The following PXT1 variants were observed in gnomAD, a reference collection of about 807,000 sequenced individuals.
PXT1 encodes the protein peroxisomal testis-specific protein 1.
In PXT1, 11 loss-of-function variants were observed where a neutral mutation model predicts 11.0. The observed-to-expected ratio is 1.00, with a 90% CI of 0.63 to 1.66. The LOEUF (loss-of-function observed/expected upper bound fraction) is 1.66. PXT1 is among the 40% of genes most tolerant of loss of function. The pLI, the probability that PXT1 is intolerant of heterozygous loss-of-function variation, is 0.00. For synonymous variants in PXT1, 43 were observed against 51.4 expected, an observed-to-expected ratio of 0.84 and a Z score of 0.70; for missense variants, 141 against 155.5, an observed-to-expected ratio of 0.91 and a Z score of 0.49.
chr6:36,409,343 A>T (rs561889330), intron 3 of PXT1, among the ~76,000 whole-genome samples: 1 of 152,334 alleles, frequency 6.6e-6, no homozygotes, highest in East Asian at 1.9e-4. Context: ...TAAACAAACC[A>T]GGACAGAAAG....
chr6:36,427,297 G>A (rs945272757), intron 2 of PXT1, among the ~76,000 whole-genome samples: 2 of 150,704 alleles, frequency 1.3e-5, no homozygotes, highest in Non-Finnish European at 2.9e-5. Context: ...CACCATGCCC[G>A]GCCGCATTAT....
At chr6:36,412,037 T>C (rs1774382496) in intron 3 of PXT1, among the ~76,000 whole-genome samples, 2 of 152,004 alleles carry the variant, frequency 1.3e-5, no homozygotes, top group Admixed American at 6.6e-5. Flanking sequence ...TTCTAATGTA[T>C]GTGTTTAGAG....
At chr6:36,402,295 G>T (rs1224024376) in intron 3 of PXT1, among the ~76,000 whole-genome samples, 2 of 152,188 alleles carry the variant, frequency 1.3e-5, no homozygotes, top group African/African-American at 4.8e-5. Context: ...ATGGGTTAGA[G>T]ATGATATATT....
At chr6:36,432,461 C>G (rs1774706583) in intron 2 of PXT1, among the ~76,000 whole-genome samples, 1 of 152,022 alleles carries the variant, frequency 6.6e-6, no homozygotes, top group Non-Finnish European at 1.5e-5. Flanking sequence ...ACCACAATGC[C>G]TGAAAATAGA....
chr6:36,422,908 G>A (rs1213272788), intron 3 of PXT1, among the ~76,000 whole-genome samples: 8 of 152,094 alleles, frequency 5.3e-5, no homozygotes, highest in Non-Finnish European at 8.8e-5. Flanking sequence ...TTCCCGCACA[G>A]CAATGGTGGG....
At chr6:36,426,634 T>C (rs1774612233) in intron 2 of PXT1, among the ~76,000 whole-genome samples, 2 of 152,012 alleles carry the variant, frequency 1.3e-5, no homozygotes, top group South Asian at 4.1e-4. Context: ...CCTCCCAAAG[T>C]GTTGGGATTA....
intron 3 of PXT1, among the ~76,000 whole-genome samples, chr6:36,402,951 C>CT (rs58955450): frequency 0.011 from 1,575 of 143,464 alleles, 35 homozygotes; most frequent in African/African-American, 0.036. Context: ...TTCTTTCTTT[C>CT]TTTTTTTTTT....
chr6:36,426,338 T>G (rs2127416650), intron 2 of PXT1, among the ~76,000 whole-genome samples: 1 of 150,054 alleles, frequency 6.7e-6, no homozygotes, highest in South Asian at 2.1e-4. Context: ...CCATTAGTCT[T>G]TCTTCTCTCT....
At chr6:36,399,182 G>A (rs1308224394) in intron 4 of PXT1, among the ~76,000 whole-genome samples, 1 of 151,290 alleles carries the variant, frequency 6.6e-6, no homozygotes, top group African/African-American at 2.4e-5. Context: ...GTCTCACTCT[G>A]TCATCCAGAC....
At chr6:36,438,008 C>T (rs1183004936) in intron 2 of PXT1, among the ~76,000 whole-genome samples, 2 of 151,298 alleles carry the variant, frequency 1.3e-5, no homozygotes, top group East Asian at 3.9e-4. Context: ...TTAGTAGAGA[C>T]GGGGTTTCAC....
intron 2 of PXT1, among the ~76,000 whole-genome samples, chr6:36,434,954 GA>G (rs979148854): frequency 6.6e-6 from 1 of 152,108 alleles, no homozygotes; most frequent in African/African-American, 2.4e-5. Flanking sequence ...TAACTTTTCT[GA>G]AAGGTACTTT....
At chr6:36,425,805 A>AAACAAACAAAAAAAAAAAAAATAT (rs1554154141) in intron 3 of PXT1, 109 bp downstream of exon 3, 2 of 321,508 alleles carry the variant, frequency 6.2e-6, no homozygotes, top group African/African-American at 4.6e-5. Context: ...AAAAACAAAA[A>AAACAAACAAAAAAAAAAAAAATAT]ATATATATAT....
At chr6:36,425,285 G>T (rs752189396) in intron 3 of PXT1, among the ~76,000 whole-genome samples, 5 of 151,986 alleles carry the variant, frequency 3.3e-5, no homozygotes, top group African/African-American at 4.8e-5. Flanking sequence ...GACACTGTCA[G>T]GTCCAATTTA....
intron 3 of PXT1, among the ~76,000 whole-genome samples, chr6:36,413,184 C>T (rs2145749): frequency 0.45 from 67,716 of 151,402 alleles, 15,967 homozygotes; most frequent in Middle Eastern, 0.57. Flanking sequence ...TTTGGGAGGC[C>T]GAGGTGGGCG....
chr6:36,439,350 G>T (rs138731356), intron 1 of PXT1, among the ~76,000 whole-genome samples: 7,739 of 151,398 alleles, frequency 0.051, 282 homozygotes, highest in South Asian at 0.13. Context: ...GGTGGCTCAC[G>T]CCTGTAATCC....
intron 4 of PXT1, 31 bp from the exon 5 acceptor site, chr6:36,391,905 GT>G (rs199535119): frequency 0.065 from 68,876 of 1,053,150 alleles, 578 homozygotes; most frequent in South Asian, 0.13. Context: ...ACAGAGAAAG[GT>G]TTTTTTTTTT....
chr6:36,405,261 C>T (rs1203211988), intron 3 of PXT1, among the ~76,000 whole-genome samples: 1 of 151,852 alleles, frequency 6.6e-6, no homozygotes, highest in African/African-American at 2.4e-5. Flanking sequence ...TAATTTTGTA[C>T]AGCTATAGAA....
At chr6:36,441,111 G>GAAAAAAAAAAAAAAAAAAAAAAAAAAA (rs970159726) in intron 1 of PXT1, among the ~76,000 whole-genome samples, 2 of 71,232 alleles carry the variant, frequency 2.8e-5, no homozygotes, top group Non-Finnish European at 2.8e-5. Flanking sequence ...TCCACAAAAA[G>GAAAAAAAAAAAAAAAAAAAAAAAAAAA]AAAAAAAAAA....
At chr6:36,437,329 T>C (rs1308812723) in intron 2 of PXT1, among the ~76,000 whole-genome samples, 1 of 151,712 alleles carries the variant, frequency 6.6e-6, no homozygotes, top group Non-Finnish European at 1.5e-5. Flanking sequence ...ATTTAATAGG[T>C]AGAGTCAGGT....
Sources: allele counts gnomAD v4.1 joint callset (sites outside exome capture counted in the v4.1 genomes callset), GRCh38; gene constraint gnomAD v4.1.1; transcripts MANE v1.5; gene names NCBI Gene and HGNC (gene_info 2026-07-23, HGNC 2026-07-21).